The following CFI variants were observed in gnomAD, a reference collection of about 807,000 sequenced individuals.
CFI encodes the protein C3B/C4B inactivator.
Under a neutral mutation model 78.8 loss-of-function variants are expected in CFI, and 66 were observed. The observed-to-expected ratio is 0.84, with a 90% confidence interval of 0.69 to 1.03. The LOEUF (loss-of-function observed/expected upper bound fraction) is 1.03, where lower values mean the gene tolerates loss of function less well. CFI is among the 50% of genes least tolerant of loss of function. The probability of loss-of-function intolerance (pLI) is 0.00; values close to 1 mark genes in which losing one functional copy is unlikely to be tolerated. For synonymous variants in CFI, 250 were observed against 232.6 expected (o/e 1.07, Z -0.68); for missense variants, 706 against 704.5 (o/e 1.00, Z -0.02).
chr4:109,746,154 C>T, intron 11 of CFI, 68 bp downstream of exon 11: 1 of 1,545,198 alleles, frequency 6.5e-7, no homozygotes. Context: ...GAAATTAGCT[C>T]CTATACATTT....
Position 109,740,983 on chromosome 4 carries a change from C to T in CFI, c.1662G>A (p.Glu554=). The change falls in exon 13 of 13, where the codon GAG becomes GAA. Residue 554 remains glutamate, a synonymous_variant. Transcript: ENST00000394634. ...VSWGENCGKP[E]FPGVYTKVAN... ...CCACTTTGGTGTAAACACCTGGGAACTCTGGTTTTCCACAGTTTTCCCCCC... is the reference window on the plus strand; with the variant it reads ...CCACTTTGGTGTAAACACCTGGGAATTCTGGTTTTCCACAGTTTTCCCCCC... The T allele has an allele frequency of 6.2e-7, 1 of 1,614,170 alleles. No individual in the cohort carries two copies. The highest frequency in any genetic ancestry group is 8.5e-7 in the Non-Finnish European group (1 of 1,180,010).
intron 1 of CFI, among the ~76,000 whole-genome samples, chr4:109,786,261 C>A (rs932455142): frequency 3.9e-5 from 6 of 152,032 alleles, no homozygotes; most frequent in Non-Finnish European, 7.4e-5. Context: ...GAACTCCTGA[C>A]CTCCATTAAT....
rs1324695990 is a variant in CFI, at chr4:109,756,888, G to GGAAAGAAGAAAGAAAGAAAGAAA, written c.904+874_904+875insTTTCTTTCTTTCTTTCTTCTTTC. On this transcript the variant is annotated intron_variant, in intron 7 of 12. Coordinates refer to ENST00000394634, the MANE Select transcript of CFI (RefSeq NM_000204.5). ...CTCCGTCTCGAAAGAAAGAAAGAAA[G>GGAAAGAAGAAAGAAAGAAAGAAA]GAAAGAAAGAAAGAAAGAAAGAAAG... 1.2e-3 allele frequency among the ~76,000 whole-genome samples: 70 copies of GGAAAGAAGAAAGAAAGAAAGAAA among 57,894 alleles called. 4 individuals carry two copies. Among genetic ancestry groups the GGAAAGAAGAAAGAAAGAAAGAAA allele is most frequent in the African/African-American group, 4.7e-3 (62 of 13,332 alleles). 38.0% of individuals were successfully genotyped at this position (57,894 alleles called of 152,430 possible). A position where few individuals can be genotyped will look rare whatever the true frequency, so the allele number is the denominator to read the frequency against.
chr4:109,756,893 GAAAGAAAGAAAGAAAGA>G (rs1476939080), intron 7 of CFI, among the ~76,000 whole-genome samples: 7 of 13,758 alleles, frequency 5.1e-4, no homozygotes, highest in African/African-American at 1.8e-3. Flanking sequence ...AGAAAGGAAA[GAAAGAAAGAAAGAAAGA>G]AAGAAAGAAA....
intron 8 of CFI, among the ~76,000 whole-genome samples, chr4:109,750,803 T>C (rs1725045564): frequency 6.6e-6 from 1 of 152,204 alleles, no homozygotes. Context: ...GAGCCGTTGT[T>C]GTATGGAGGC....
chr4:109,761,547 C>G lies in CFI; in HGVS notation c.628G>C (p.Ala210Pro). ...KRRTMGYQDF[A>P]DVVCYTQKAD... ...TTCTGTGTATAACAAACCACATCAGCGAAATCCTGGTAACCCATAGTTCTT... is the reference window on the plus strand; with the variant it reads ...TTCTGTGTATAACAAACCACATCAGGGAAATCCTGGTAACCCATAGTTCTT... The change falls in exon 4 of 13, where the codon GCT becomes CCT. Residue 210 changes from alanine (A) to proline (P), a missense_variant. Physicochemically the swap from Ala to Pro is conservative, Grantham distance 27 (BLOSUM62 -1). Transcript: ENST00000394634. 6.2e-7 allele frequency: 1 copy of G among 1,614,100 alleles called. No individual in the cohort carries two copies. The highest frequency in any genetic ancestry group is 8.5e-7 in the Non-Finnish European group (1 of 1,179,992).
chr4:109,777,669 C>A (rs1412865973), intron 1 of CFI, among the ~76,000 whole-genome samples: 25 of 152,346 alleles, frequency 1.6e-4, no homozygotes, highest in Non-Finnish European at 3.5e-4. Flanking sequence ...ACCAAATCAA[C>A]AGAATATACA....
chr4:109,784,908 G>T (rs951148986), intron 1 of CFI, among the ~76,000 whole-genome samples: 1 of 151,982 alleles, frequency 6.6e-6, no homozygotes. Flanking sequence ...AACCACAAAA[G>T]ATGACATTCC....
At chr4:109,800,195 C>T (rs1338029706) in intron 1 of CFI, among the ~76,000 whole-genome samples, 1 of 151,954 alleles carries the variant, frequency 6.6e-6, no homozygotes, top group Non-Finnish European at 1.5e-5. Flanking sequence ...TCTAAAATGC[C>T]ACCCATATGT....
chr4:109,733,899 G>A, the CFI span, among the ~76,000 whole-genome samples: 1,544 of 152,344 alleles, frequency 0.01, 31 homozygotes, highest in African/African-American at 0.035. Flanking sequence ...GCTGGGCGCA[G>A]TGACTCATGC....
chr4:109,761,821 G>C, intron 3 of CFI, 129 bp from the exon 4 acceptor site: 1 of 763,994 alleles, frequency 1.3e-6, no homozygotes, highest in Non-Finnish European at 2.2e-6. Context: ...GCTTGGGCAA[G>C]ATACCGAAAC....
chr4:109,731,688 A>G, the CFI span, among the ~76,000 whole-genome samples: 1 of 152,126 alleles, frequency 6.6e-6, no homozygotes, highest in Admixed American at 6.5e-5. Flanking sequence ...CAGCCCCTCA[A>G]CCAGGAGTCT....
intron 1 of CFI, among the ~76,000 whole-genome samples, chr4:109,768,432 T>C (rs1728098720): frequency 6.6e-6 from 1 of 150,966 alleles, no homozygotes; most frequent in Admixed American, 6.6e-5. Flanking sequence ...CAAGTGACCC[T>C]CCTGAAACGT....
intron 7 of CFI, among the ~76,000 whole-genome samples, chr4:109,754,928 C>T (rs1225167043): frequency 6.6e-6 from 1 of 151,978 alleles, no homozygotes; most frequent in East Asian, 1.9e-4. Flanking sequence ...AGCTAGTACA[C>T]CTTTGATTAT....
At chr4:109,736,173 G>A (rs1579138878), downstream of CFI, among the ~76,000 whole-genome samples, 1 of 150,856 alleles carries the variant, frequency 6.6e-6, no homozygotes, top group Non-Finnish European at 1.5e-5. Context: ...AGGAAAATTT[G>A]TTTTTCTTCT....
intron 6 of CFI, among the ~76,000 whole-genome samples, chr4:109,758,325 C>T (rs763706295): frequency 6.6e-6 from 1 of 151,752 alleles, no homozygotes; most frequent in Non-Finnish European, 1.5e-5. Flanking sequence ...CAGGGACTGG[C>T]ACACACAGTA....
At position 109,741,721 on chromosome 4, in the gene CFI, C is replaced by T. The variant is rs1053055469; in HGVS notation, c.1535-611G>A. ...AACTCCATTTCAAGATGGGAGGACA[C>T]TTTCTTCTTACTCATGATTTTCTGA... On this transcript the variant is annotated intron_variant, in intron 12 of 12. Transcript: ENST00000394634. Among the ~76,000 whole-genome samples the T allele has an allele frequency of 3.7e-4, 56 of 152,184 alleles. 1 individual carries two copies. The highest frequency in any genetic ancestry group is 1.3e-3 in the African/African-American group (53 of 41,442).
intron 1 of CFI, among the ~76,000 whole-genome samples, chr4:109,767,831 A>G (rs1560547553): frequency 6.6e-6 from 1 of 152,054 alleles, no homozygotes; most frequent in Non-Finnish European, 1.5e-5. Flanking sequence ...ACACATGCAC[A>G]CGTATGTTTA....
chr4:109,732,476 G>C, the CFI span, among the ~76,000 whole-genome samples: 1 of 152,192 alleles, frequency 6.6e-6, no homozygotes, highest in East Asian at 1.9e-4. Flanking sequence ...TAAATACCAG[G>C]GATCTGCACT....
Sources: gnomAD v4.1 joint callset for allele counts (sites outside exome capture counted in the v4.1 genomes callset) on GRCh38, gnomAD v4.1.1 for gene constraint, MANE v1.5 for transcripts, NCBI Gene and HGNC (gene_info 2026-07-23, HGNC 2026-07-21) for gene names.